The following SUPT3H variants were observed in gnomAD, a reference collection of about 807,000 sequenced individuals.
The protein encoded by SUPT3H is transcription initiation protein SPT3 homolog.
In SUPT3H, 44 loss-of-function variants were observed where a neutral mutation model predicts 44.3. The ratio of observed to expected loss-of-function variants is 0.99; its 90% CI spans 0.78 to 1.28. The LOEUF (loss-of-function observed/expected upper bound fraction) is 1.28. Ranked by LOEUF, SUPT3H falls within the 50% of genes most tolerant of loss-of-function variation. The pLI, the probability that SUPT3H is intolerant of heterozygous loss-of-function variation, is 0.00. For missense variants in SUPT3H, 380 were observed against 387.1 expected (o/e 0.98, Z 0.15); for synonymous variants, 124 against 125.6 (o/e 0.99, Z 0.09).
At chr6:44,962,673 A>G (rs1776198994) in intron 6 of SUPT3H, among the ~76,000 whole-genome samples, 1 of 151,466 alleles carries the variant, frequency 6.6e-6, no homozygotes, top group African/African-American at 2.4e-5. Flanking sequence ...ATGTCTGTGG[A>G]TGTTTTTGTA....
At chr6:45,369,790 A>G (rs1375255855) in intron 1 of SUPT3H, among the ~76,000 whole-genome samples, 1 of 152,192 alleles carries the variant, frequency 6.6e-6, no homozygotes, top group Non-Finnish European at 1.5e-5. Context: ...GCACATAAAC[A>G]AATATAATTT....
chr6:45,323,480 A>G (rs1165273732), intron 2 of SUPT3H, among the ~76,000 whole-genome samples: 1 of 152,096 alleles, frequency 6.6e-6, no homozygotes. Context: ...TGATAGAGCA[A>G]GCCATTAACA....
chr6:45,020,538 T>C lies in SUPT3H; in HGVS notation c.273+8A>G. ...GGATTTTAATACAATAAAATTATGT[T>C]ATATTACCTTATCTTTGCGCATCAA... On this transcript the variant is annotated splice_region_variant and intron_variant, in intron 4 of 10. Transcript: ENST00000371459. The C allele has an allele frequency of 6.2e-7, 1 of 1,602,708 alleles. No individual in the cohort carries two copies. Among genetic ancestry groups the C allele is most frequent in the Non-Finnish European group, 8.5e-7 (1 of 1,172,300 alleles).
At chr6:45,207,686 A>G (rs1191093616) in intron 2 of SUPT3H, among the ~76,000 whole-genome samples, 4 of 152,142 alleles carry the variant, frequency 2.6e-5, no homozygotes, top group African/African-American at 9.7e-5. Context: ...TGTTATAGTG[A>G]TCTGTGATCA....
chr6:45,314,979 A>T (rs1001133687), intron 2 of SUPT3H, among the ~76,000 whole-genome samples: 9 of 152,110 alleles, frequency 5.9e-5, no homozygotes, highest in South Asian at 2.1e-4. Context: ...TCAGAAATAA[A>T]TCCAAATACT....
chr6:44,945,671 G>A (rs144162600), intron 9 of SUPT3H, among the ~76,000 whole-genome samples: 222 of 152,186 alleles, frequency 1.5e-3, no homozygotes, highest in African/African-American at 5.1e-3. Context: ...CAAGAGAGAT[G>A]AGAAACATGC....
intron 2 of SUPT3H, among the ~76,000 whole-genome samples, chr6:45,332,851 T>C (rs1007631968): frequency 3.3e-5 from 5 of 151,790 alleles, no homozygotes; most frequent in Non-Finnish European, 5.9e-5. Flanking sequence ...AATCAGGTGC[T>C]AGCAGATCCA....
chr6:44,862,310 C>T (rs1198556537), intron 10 of SUPT3H, among the ~76,000 whole-genome samples: 1 of 151,892 alleles, frequency 6.6e-6, no homozygotes, highest in Non-Finnish European at 1.5e-5. Flanking sequence ...TTTGGAACCC[C>T]AAAACCAGGT....
At chr6:44,968,058 G>T (rs890223074) in intron 6 of SUPT3H, among the ~76,000 whole-genome samples, 2 of 152,058 alleles carry the variant, frequency 1.3e-5, no homozygotes, top group Non-Finnish European at 2.9e-5. Context: ...CTCCCAAAGT[G>T]CTGGGATTAC....
chr6:45,241,972 A>G (rs1412552299), intron 2 of SUPT3H, among the ~76,000 whole-genome samples: 1 of 152,208 alleles, frequency 6.6e-6, no homozygotes, highest in East Asian at 1.9e-4. Flanking sequence ...GTTTTACTCT[A>G]TCCAATAAAA....
chr6:45,255,515 G>A (rs116720724), intron 2 of SUPT3H, among the ~76,000 whole-genome samples: 356 of 142,692 alleles, frequency 2.5e-3, no homozygotes, highest in African/African-American at 8.9e-3. Context: ...TTGAATTCCT[G>A]TACTCAAGCA....
Position 44,982,615 on chromosome 6 carries a change from C to T in SUPT3H, c.505-20787G>A, listed in dbSNP as rs182988462. On this transcript the variant is annotated intron_variant, in intron 6 of 10. Coordinates refer to ENST00000371459, the MANE Select transcript of SUPT3H (RefSeq NM_003599.4). ...CAAAACTATGAGTGTGTTAGAATCA[C>T]TTCACTTGTATCAAAGATACAGCTA... Among the ~76,000 whole-genome samples, 61 of 152,308 alleles carry T rather than the reference C, an allele frequency of 4.0e-4. 1 individual carries two copies. Among genetic ancestry groups the T allele is most frequent in the Non-Finnish European group, 4.4e-5 (3 of 68,028 alleles).
intron 10 of SUPT3H, among the ~76,000 whole-genome samples, chr6:44,931,202 C>T (rs947030012): frequency 6.6e-6 from 1 of 152,182 alleles, no homozygotes; most frequent in African/African-American, 2.4e-5. Flanking sequence ...CTTTTAGTTA[C>T]CATTTTAGGT....
rs1794507628 is a variant in SUPT3H, at chr6:45,072,435, T to C, written c.186+33487A>G. ...AGAAAATAAGAGTGTTTAGAAACTT[T>C]TGTAACATTTTAATATTGCAGTGAA... is the stretch of plus-strand genomic sequence containing the variant. On this transcript the variant is annotated intron_variant, in intron 3 of 10. Transcript: ENST00000371459. Among the ~76,000 whole-genome samples the C allele has an allele frequency of 2.0e-5, 3 of 152,326 alleles. No homozygotes were observed. The South Asian group carries it at 6.2e-4, about 32-fold the overall frequency.
chr6:44,972,066 G>A (rs777404104), intron 6 of SUPT3H, among the ~76,000 whole-genome samples: 18 of 151,994 alleles, frequency 1.2e-4, no homozygotes, highest in South Asian at 2.1e-4. Context: ...GAGCCACTGC[G>A]CCCAGCCAAC....
intron 6 of SUPT3H, among the ~76,000 whole-genome samples, chr6:44,975,165 C>T (rs1425963979): frequency 1.6e-5 from 1 of 60,848 alleles, no homozygotes; most frequent in Non-Finnish European, 3.1e-5. Context: ...AGCAAGACTC[C>T]ATCTCAAACA....
chr6:45,285,513 A>G (rs1469931523), intron 2 of SUPT3H, among the ~76,000 whole-genome samples: 2 of 152,102 alleles, frequency 1.3e-5, no homozygotes, highest in Non-Finnish European at 2.9e-5. Flanking sequence ...AGAGAATAAA[A>G]TACCTAGGAA....
chr6:44,846,080 C>G (rs1322618284), intron 10 of SUPT3H, among the ~76,000 whole-genome samples: 1 of 152,200 alleles, frequency 6.6e-6, no homozygotes, highest in Admixed American at 6.5e-5. Context: ...GCCTGCCCGT[C>G]TTTATGCTCC....
chr6:45,054,116 C>T (rs894500652), intron 3 of SUPT3H, among the ~76,000 whole-genome samples: 47 of 151,900 alleles, frequency 3.1e-4, no homozygotes, highest in Non-Finnish European at 2.2e-4. Context: ...AATTTGCATG[C>T]CTTTCTATTG....
Sources: allele counts gnomAD v4.1 joint callset (sites outside exome capture counted in the v4.1 genomes callset), GRCh38; gene constraint gnomAD v4.1.1; transcripts MANE v1.5; gene names NCBI Gene and HGNC (gene_info 2026-07-23, HGNC 2026-07-21).